The following MARF1 variants were observed in gnomAD, a reference collection of about 807,000 sequenced individuals.
The protein encoded by MARF1 is meiosis regulator and mRNA stability factor 1.
Under a neutral mutation model 168.2 loss-of-function variants are expected in MARF1, and 24 were observed. That is an observed-to-expected ratio of 0.14 (90% CI 0.10 to 0.20). MARF1 has a LOEUF of 0.20. MARF1 is among the 10% of genes least tolerant of loss of function. The pLI is 1.00. For synonymous variants in MARF1, 868 were observed against 822.4 expected (o/e 1.06, Z -0.95); for missense variants, 1,744 against 2,143.6 (o/e 0.81, Z 3.68).
chr16:15,605,071 G>A (rs889616744), intron 21 of MARF1, among the ~76,000 whole-genome samples: 2 of 152,230 alleles, frequency 1.3e-5, no homozygotes, highest in Non-Finnish European at 2.9e-5. Context: ...GTCACTTGGG[G>A]ACCAAACACC....
At chr16:15,600,745 G>A in intron 23 of MARF1, 44 bp from the exon 24 acceptor site, 1 of 1,599,432 alleles carries the variant, frequency 6.3e-7, no homozygotes, top group Non-Finnish European at 8.6e-7. Context: ...GAAAAGGAGG[G>A]GACAGAAGCC....
In MARF1 at chr16:15,611,699, A is replaced by G. The variant is rs572716767; in HGVS notation, c.3510T>C (p.Leu1170=). Residue 1170 remains leucine (L), a synonymous_variant, in exon 18 of 27, where the codon CTT becomes CTC. Transcript: ENST00000396368. ...AGCGCTTCACCTGGGCCCTGTGGGT[A>G]AGGGTCAGCAGACGTTTGGAGCCCA... ...LGMGSKRLLT[L]THRAQVKRFT... is the part of the protein sequence containing the mutation. The G allele has an allele frequency of 6.2e-7, 1 of 1,614,132 alleles. No individual in the cohort carries two copies. The highest frequency in any genetic ancestry group is 1.3e-5 in the African/African-American group (1 of 75,034).
rs1369398313 is a variant in MARF1 at position 15,598,901 on chromosome 16, T to C, written c.4937A>G (p.Gln1646Arg). Residue 1646 changes from glutamine to arginine, a missense_variant, in exon 26 of 27, where the codon CAA (glutamine) becomes CGA (arginine). This residue lies in a region of MARF1 where 313 missense variants were observed against 337.4 expected (regional missense o/e 0.93). Transcript: ENST00000396368. ...PQLRPDPVIL[Q>R]SADLIQFEER... ...CTCAAACTGAATGAGATCAGCAGAT[T>C]GGAGGATAACGGGGTCTGGTCTCAG... 2 of 1,613,660 alleles carry C rather than the reference T, an allele frequency of 1.2e-6. No homozygotes were observed. The highest frequency in any genetic ancestry group is 1.3e-5 in the African/African-American group (1 of 74,790).
chr16:15,611,638 C>T lies in MARF1; in HGVS notation c.3571G>A (p.Ala1191Thr), dbSNP rs1282968567. 6.2e-7 allele frequency: 1 copy of T among 1,614,048 alleles called. No individual in the cohort carries two copies. Among genetic ancestry groups the T allele is most frequent in the Non-Finnish European group, 8.5e-7 (1 of 1,180,004 alleles). ...TCTCTCACAATGACCTGTTTGCTGGCCTGGGATTTGAGAAGTTTTAGTAAA... is the reference window on the plus strand; with the variant it reads ...TCTCTCACAATGACCTGTTTGCTGGTCTGGGATTTGAGAAGTTTTAGTAAA... The part of the protein sequence containing the change: ...QDLLKLLKSQ[A>T]SKQVIVREFS... Residue 1191 changes from alanine to threonine, a missense_variant, in exon 18 of 27, where the codon GCC becomes ACC. Ala to Thr is a moderately conservative substitution (Grantham distance 58, BLOSUM62 0). Around this residue, in one of 7 missense-constraint regions of MARF1, gnomAD observed 543 missense variants for 742.1 expected, o/e 0.73. Coordinates refer to ENST00000396368, the MANE Select transcript of MARF1 (RefSeq NM_014647.4).
chr16:15,625,649 T>C lies in MARF1; in HGVS notation c.1676A>G (p.Asp559Gly), dbSNP rs370448161. Reference protein sequence around the residue: ...CSAILRFINQDSAERAQKRME... With the variant: ...CSAILRFINQGSAERAQKRME... ...TCGCTTCTGAGCGCGCTCTGCACTA[T>C]CTTGGTTTATGAAGCGGAGAATTGC... The change falls in exon 8 of 27, where the codon GAT becomes GGT. Residue 559 changes from aspartate to glycine, a missense_variant. Physicochemically the swap from Asp to Gly is moderately conservative, Grantham distance 94. This residue lies in a region of MARF1 where 217 missense variants were observed against 372.4 expected (regional missense o/e 0.58). Coordinates refer to ENST00000396368, the MANE Select transcript of MARF1 (RefSeq NM_014647.4). 22 of 1,614,122 alleles carry C rather than the reference T, an allele frequency of 1.4e-5. No individual in the cohort carries two copies. The highest frequency in any genetic ancestry group is 1.7e-5 in the Non-Finnish European group (20 of 1,180,058).
chr16:15,608,331 G>A lies in MARF1; in HGVS notation c.4142C>T (p.Ser1381Phe). 6.2e-7 allele frequency: 1 copy of A among 1,610,816 alleles called. No individual in the cohort carries two copies. ...GAGTTTCTGAGTTAAAGCCGAAATG[G>A]AACTGACATCATAGTCTTGGAGACG... is the stretch of plus-strand genomic sequence containing the variant. ...TFRLQDYDVS[S>F]ISALTQKLCH... Residue 1381 changes from serine (S) to phenylalanine (F), a missense_variant, in exon 21 of 27, where the codon TCC (serine) becomes TTC (phenylalanine). This residue lies in a region of MARF1 where 543 missense variants were observed against 742.1 expected (regional missense o/e 0.73). Transcript: ENST00000396368.
chr16:15,617,523 C>T lies in MARF1; in HGVS notation c.2733G>A (p.Lys911=). The part of the protein sequence containing the change: ...TDIYEKKFGH[K]LNVSDLYKLT... ...ATTTATATAGATCTGACACATTCAA[C>T]TTGTGTCCAAACCTAAAAGCAAGAG... Residue 911 remains lysine (K), a synonymous_variant, in exon 14 of 27, where the codon AAG becomes AAA. Coordinates refer to ENST00000396368, the MANE Select transcript of MARF1 (RefSeq NM_014647.4). 5 of 1,609,280 alleles carry T rather than the reference C, an allele frequency of 3.1e-6. No individual in the cohort carries two copies. Among genetic ancestry groups the T allele is most frequent in the Non-Finnish European group, 4.2e-6 (5 of 1,177,176 alleles).
intron 21 of MARF1, 25 bp downstream of exon 21, chr16:15,608,260 GAAAAAA>G (rs748965777): frequency 5.3e-4 from 438 of 830,674 alleles, no homozygotes; most frequent in African/African-American, 2.8e-3. Context: ...TCCCATGAGG[GAAAAAA>G]AAAAAAAAAA....
chr16:15,606,073 T>A (rs1462145608), intron 21 of MARF1: 1 of 152,294 alleles, frequency 6.6e-6, no homozygotes, highest in Non-Finnish European at 1.5e-5. Flanking sequence ...CCATCCAACA[T>A]AAATCATTCA....
chr16:15,635,560 C>T, intron 3 of MARF1, 96 bp downstream of exon 3: 2 of 1,131,490 alleles, frequency 1.8e-6, no homozygotes, highest in South Asian at 1.5e-5. Flanking sequence ...GGAGAATCTT[C>T]AACCCCATGT....
rs770049633 is a variant in MARF1 at position 15,635,922 on chromosome 16, T to G, written c.565A>C (p.Lys189Gln). 6.2e-7 allele frequency: 1 copy of G among 1,614,166 alleles called. No homozygotes were observed. The highest frequency in any genetic ancestry group is 1.1e-5 in the South Asian group (1 of 91,088). ...MCLESNLSSC[K>Q]HLPCCGKLHF... is the part of the protein sequence containing the mutation. The stretch of plus-strand genomic sequence containing the variant: ...AGTTTTCCACAACAGGGCAGGTGTT[T>G]GCAGGAAGACAGGTTACTCTCTAGA... Residue 189 changes from lysine (K) to glutamine (Q), a missense_variant, in exon 3 of 27, where the codon AAA (lysine) becomes CAA (glutamine). Transcript: ENST00000396368.
chr16:15,630,484 C>G lies in MARF1; in HGVS notation c.1372G>C (p.Glu458Gln), dbSNP rs2035173465. 1 of 1,613,058 alleles carries G rather than the reference C, an allele frequency of 6.2e-7. No homozygotes were observed. The highest frequency in any genetic ancestry group is 8.5e-7 in the Non-Finnish European group (1 of 1,179,648). The change falls in exon 7 of 27, where the codon GAA becomes CAA. Residue 458 changes from glutamate (E) to glutamine (Q), a missense_variant. This residue lies in a region of MARF1 where 217 missense variants were observed against 372.4 expected (regional missense o/e 0.58). Transcript: ENST00000396368. ...LVSTDVNFALELSDLRHRHGF... is the reference protein window; with the variant it reads ...LVSTDVNFALQLSDLRHRHGF... ...TGCCTGTGTCTCAGGTCACTAAGTT[C>G]CAATGCAAAATTGACATCAGCTGAA...
chr16:15,641,018 C>T (rs2035914162), intron 1 of MARF1, among the ~76,000 whole-genome samples: 1 of 152,164 alleles, frequency 6.6e-6, no homozygotes, highest in Non-Finnish European at 1.5e-5. Flanking sequence ...TCTCTTGAGC[C>T]CAAGAATTTG....
intron 22 of MARF1, chr16:15,602,487 A>C: frequency 1.8e-6 from 1 of 569,532 alleles, no homozygotes. Flanking sequence ...GAACAAGAAG[A>C]CGAAGACAAG....
chr16:15,612,626 C>T lies in MARF1; in HGVS notation c.3405G>A (p.Gln1135=). The T allele has an allele frequency of 6.2e-7, 1 of 1,614,164 alleles. No homozygotes were observed. Among genetic ancestry groups the T allele is most frequent in the Non-Finnish European group, 8.5e-7 (1 of 1,180,036 alleles). The change falls in exon 17 of 27, where the codon CAG becomes CAA. Residue 1135 remains glutamine, a synonymous_variant. Transcript: ENST00000396368. The part of the protein sequence containing the change: ...IPSYHHHFAK[Q]CRVSDYGYSK... ...AGTATCCGTAGTCTGACACTCGGCA[C>T]TGCTTTGCAAAATGATGGTGATAGG...
intron 7 of MARF1, among the ~76,000 whole-genome samples, chr16:15,630,043 AC>A: frequency 6.6e-6 from 1 of 152,368 alleles, no homozygotes. Flanking sequence ...ATTTCTATCC[AC>A]CTGACACAAA....
rs2034811856 is a variant in MARF1, at chr16:15,625,945, A to G, written c.1525-145T>C. ...TGATTTAGATGGGAGAGGGTAAATT[A>G]TTTAGTGTTGACAAAGTAACTGAAT... On this transcript the variant is annotated intron_variant, in intron 7 of 26. Coordinates refer to ENST00000396368, the MANE Select transcript of MARF1 (RefSeq NM_014647.4). 7.7e-6 allele frequency: 5 copies of G among 651,284 alleles called. No individual in the cohort carries two copies. The South Asian group carries it at 9.5e-5, about 12-fold the overall frequency. 40.3% of individuals were successfully genotyped at this position (651,284 alleles called of 1,614,324 possible). A position where few individuals can be genotyped will look rare whatever the true frequency, so the allele number is the denominator to read the frequency against.
chr16:15,602,274 C>T (rs1185471840), intron 22 of MARF1, 71 bp from the exon 23 acceptor site: 1 of 1,266,678 alleles, frequency 7.9e-7, no homozygotes, highest in Non-Finnish European at 1.1e-6. Context: ...TGAAGGCCTC[C>T]CACTGAGGGA....
At chr16:15,603,756 A>G (rs1596442439) in intron 22 of MARF1, among the ~76,000 whole-genome samples, 1 of 117,194 alleles carries the variant, frequency 8.5e-6, no homozygotes, top group Admixed American at 9.3e-5. Flanking sequence ...GCCATTCTTG[A>G]AAGGCTGCCT....
Sources: gnomAD v4.1 joint callset for allele counts (sites outside exome capture counted in the v4.1 genomes callset) on GRCh38, gnomAD v4.1.1 for gene constraint, gnomAD v4.1.1 regional missense constraint, MANE v1.5 for transcripts, NCBI Gene and HGNC (gene_info 2026-07-23, HGNC 2026-07-21) for gene names.